ABCG1: variants seen among roughly 807,000 people sequenced by gnomAD.
ABCG1 encodes the protein ATP binding cassette subfamily G member 1, also known as ATP-binding cassette sub-family G member 1.
Under a neutral mutation model 69.2 loss-of-function variants are expected in ABCG1, and 29 were observed. The observed-to-expected ratio is 0.42, with a 90% CI of 0.31 to 0.57. The LOEUF (loss-of-function observed/expected upper bound fraction) is 0.57. Ranked by LOEUF, ABCG1 falls within the 20% of genes least tolerant of loss-of-function variation. The pLI is 0.15. For synonymous variants in ABCG1, 370 were observed against 374.8 expected (o/e 0.99, Z 0.15); for missense variants, 718 against 898.1 (o/e 0.80, Z 2.56).
chr21:42,239,663 T>C (rs2068023065), intron 2 of ABCG1, among the ~76,000 whole-genome samples: 1 of 152,158 alleles, frequency 6.6e-6, no homozygotes, highest in Admixed American at 6.5e-5. Flanking sequence ...GTGACCCAGG[T>C]AGCTGCTTCC....
intron 2 of ABCG1, among the ~76,000 whole-genome samples, chr21:42,256,769 G>T (rs901742187): frequency 1.3e-5 from 2 of 152,206 alleles, no homozygotes; most frequent in African/African-American, 4.8e-5. Flanking sequence ...TTAAGGAACT[G>T]GGTCTGCAAT....
chr21:42,259,844 A>G (rs2068374725), intron 2 of ABCG1: 1 of 1,387,502 alleles, frequency 7.2e-7, no homozygotes, highest in Non-Finnish European at 9.5e-7. Flanking sequence ...GAAGAAAGGA[A>G]AAGAGCAGGG....
intron 2 of ABCG1, among the ~76,000 whole-genome samples, chr21:42,204,725 G>A (rs1375361048): frequency 6.6e-6 from 1 of 152,150 alleles, no homozygotes; most frequent in Non-Finnish European, 1.5e-5. Context: ...GCCCAGGCTG[G>A]AGTGCAGTGG....
chr21:42,284,690 G>C lies in ABCG1; in HGVS notation c.858+7G>C. On this transcript the variant is annotated splice_region_variant and intron_variant, in intron 7 of 14. Coordinates refer to ENST00000398449, the MANE Select transcript of ABCG1 (RefSeq NM_016818.3). ...CTTCGAGCTGTTCGACCAGGTACGC[G>C]GGCCCCGGGCCCTCCCCGCCAGATT... 2 of 1,611,690 alleles carry C rather than the reference G, an allele frequency of 1.2e-6. No homozygotes were observed. The highest frequency in any genetic ancestry group is 1.7e-6 in the Non-Finnish European group (2 of 1,179,846).
At chr21:42,293,609 CCACACTA>C (rs376666261) in intron 13 of ABCG1, among the ~76,000 whole-genome samples, 19,552 of 138,992 alleles carry the variant, frequency 0.14, 1,558 homozygotes, top group East Asian at 0.19. Context: ...ACAGTACACA[CCACACTA>C]CACACTACAC....
chr21:42,241,761 A>G (rs765060166), intron 2 of ABCG1, among the ~76,000 whole-genome samples: 8 of 151,352 alleles, frequency 5.3e-5, no homozygotes, highest in Non-Finnish European at 1.2e-4. Context: ...CTGAGGTGGG[A>G]GGATTGCTTG....
chr21:42,287,743 G>A lies in ABCG1; in HGVS notation c.974-146G>A, dbSNP rs2068970029. ...GAGAGCCGCACGCTGGTTGATAAAT[G>A]ATTTTGACGTCATGCCATTAGCACC... is the stretch of plus-strand genomic sequence containing the variant. On this transcript the variant is annotated intron_variant, in intron 8 of 14. Coordinates refer to ENST00000398449, the MANE Select transcript of ABCG1 (RefSeq NM_016818.3). The surrounding 1 kb of genome is among the most constrained non-coding windows in gnomAD (Gnocchi z 6.2). The A allele has an allele frequency of 2.4e-6, 2 of 829,666 alleles. No individual in the cohort carries two copies. Among genetic ancestry groups the A allele is most frequent in the Admixed American group, 5.2e-5 (2 of 38,296 alleles). The allele number at this position is 829,666 out of a possible 1,614,324, so 51.4% of individuals were successfully genotyped here. A position where few individuals can be genotyped will look rare whatever the true frequency, so the allele number is the denominator to read the frequency against.
intron 1 of ABCG1, 148 bp from the exon 2 acceptor site, chr21:42,225,523 C>T (rs2123521241): frequency 1.0e-6 from 1 of 994,530 alleles, no homozygotes; most frequent in East Asian, 2.4e-5. Context: ...TAGGTGGGCA[C>T]ATTTCTCCTG....
chr21:42,211,812 C>CT (rs1200984098), upstream of ABCG1, among the ~76,000 whole-genome samples: 1 of 152,078 alleles, frequency 6.6e-6, no homozygotes, highest in African/African-American at 2.4e-5. Flanking sequence ...TCGCTGGAAT[C>CT]TGGGGGGCAG....
chr21:42,294,437 A>G (rs75080914), intron 13 of ABCG1, 105 bp from the exon 14 acceptor site: 8 of 838,316 alleles, frequency 9.5e-6, no homozygotes, highest in Non-Finnish European at 1.6e-5. Context: ...CCTGCCCAGA[A>G]GGTGCCCTGG....
chr21:42,255,472 C>T (rs1461354418), intron 2 of ABCG1, among the ~76,000 whole-genome samples: 1 of 152,068 alleles, frequency 6.6e-6, no homozygotes. Context: ...GCGCGTGTGC[C>T]TGTGTGCACA....
chr21:42,243,448 G>A (rs1371235479), intron 2 of ABCG1, among the ~76,000 whole-genome samples: 3 of 51,118 alleles, frequency 5.9e-5, no homozygotes, highest in African/African-American at 5.5e-5. Context: ...GTGTGTGCGC[G>A]TGTGTGTGTG....
At chr21:42,233,587 C>A (rs1423525063) in intron 2 of ABCG1, among the ~76,000 whole-genome samples, 1 of 152,242 alleles carries the variant, frequency 6.6e-6, no homozygotes, top group East Asian at 1.9e-4. Context: ...TAATCTTGGT[C>A]TTGAAATAAG....
chr21:42,217,158 C>T (rs1435874780), upstream of ABCG1, among the ~76,000 whole-genome samples: 2 of 152,154 alleles, frequency 1.3e-5, no homozygotes, highest in Non-Finnish European at 2.9e-5. Context: ...CATCCACCGG[C>T]TGAAGCCAAT....
upstream of ABCG1, chr21:42,216,162 A>G (rs1021739861): frequency 4.4e-6 from 2 of 451,556 alleles, no homozygotes; most frequent in Admixed American, 2.4e-5. Flanking sequence ...CGCCATGATC[A>G]TGAGGCTTCC....
At chr21:42,264,117 C>T (rs2068460466) in intron 2 of ABCG1, among the ~76,000 whole-genome samples, 1 of 152,130 alleles carries the variant, frequency 6.6e-6, no homozygotes, top group African/African-American at 2.4e-5. Context: ...TGTCGGATGC[C>T]CTGCTCATCT....
Position 42,249,240 on chromosome 21 carries a change from GGT to G in ABCG1, c.287-21825_287-21824del, listed in dbSNP as rs1197445158. ...GATGAGGGAGGGGCGCCGGGCCTGG[GGT>G]GTGTTGCTGAGATTACCGCCTGGCT... is the stretch of plus-strand genomic sequence containing the variant. On this transcript the variant is annotated intron_variant, in intron 2 of 14. Transcript: ENST00000398449. Among the ~76,000 whole-genome samples, 3 of 151,996 alleles carry G rather than the reference GGT, an allele frequency of 2.0e-5. No individual in the cohort carries two copies. In the East Asian group the frequency reaches 5.8e-4, roughly 29 times the overall value.
upstream of ABCG1, among the ~76,000 whole-genome samples, chr21:42,216,798 G>C (rs530900832): frequency 1.2e-4 from 19 of 152,290 alleles, no homozygotes; most frequent in African/African-American, 4.6e-4. Context: ...CCTGTGCTAC[G>C]CTACTGTTGG....
intron 2 of ABCG1, among the ~76,000 whole-genome samples, chr21:42,229,633 T>C (rs1601359242): frequency 1.3e-5 from 2 of 152,206 alleles, no homozygotes; most frequent in East Asian, 3.9e-4. Flanking sequence ...AGCAGGAGAA[T>C]TGCTTGAATC....
Sources: gnomAD v4.1 joint callset for allele counts (sites outside exome capture counted in the v4.1 genomes callset) on GRCh38, gnomAD v4.1.1 for gene constraint, Gnocchi (gnomAD v3.1) non-coding constraint, MANE v1.5 for transcripts, NCBI Gene and HGNC (gene_info 2026-07-23, HGNC 2026-07-21) for gene names.